KIAA0586: variants seen among roughly 807,000 people sequenced by gnomAD.
The protein encoded by KIAA0586 is protein TALPID3.
A neutral mutation model predicts 169.8 loss-of-function variants in KIAA0586; 144 were observed. The observed-to-expected ratio is 0.85, with a 90% CI of 0.74 to 0.97. The LOEUF (loss-of-function observed/expected upper bound fraction) is 0.97. KIAA0586 is among the 50% of genes least tolerant of loss of function. The pLI is 0.00. For synonymous variants in KIAA0586, 625 were observed against 612.4 expected (o/e 1.02, Z -0.30); for missense variants, 1,854 against 1,823.0 (o/e 1.02, Z -0.31).
intron 6 of KIAA0586, among the ~76,000 whole-genome samples, chr14:58,444,782 C>A (rs1478444162): frequency 2.0e-5 from 3 of 151,816 alleles, no homozygotes; most frequent in Non-Finnish European, 4.4e-5. Context: ...AGTTTTCAGT[C>A]TGGGAATGTG....
At chr14:58,452,874 T>G (rs1425665803) in intron 8 of KIAA0586, among the ~76,000 whole-genome samples, 1 of 151,580 alleles carries the variant, frequency 6.6e-6, no homozygotes, top group Admixed American at 6.6e-5. Flanking sequence ...TTTTATTTGA[T>G]GAGTGTATTT....
chr14:58,479,614 A>G (rs1401871796), intron 20 of KIAA0586, among the ~76,000 whole-genome samples: 1 of 152,064 alleles, frequency 6.6e-6, no homozygotes, highest in Non-Finnish European at 1.5e-5. Flanking sequence ...GATCATTAAG[A>G]TAGTTTCCTA....
intron 18 of KIAA0586, among the ~76,000 whole-genome samples, chr14:58,473,496 A>G (rs2041379383): frequency 6.6e-6 from 1 of 152,204 alleles, no homozygotes; most frequent in South Asian, 2.1e-4. Flanking sequence ...AAGATGACTG[A>G]CCTTATTGCA....
chr14:58,511,934 G>A (rs2141472638), intron 28 of KIAA0586, among the ~76,000 whole-genome samples: 1 of 152,282 alleles, frequency 6.6e-6, no homozygotes, highest in African/African-American at 2.4e-5. Context: ...TTTGTGATGT[G>A]TGATTACGAA....
chr14:58,491,232 A>G (rs569804079), intron 25 of KIAA0586, among the ~76,000 whole-genome samples: 1 of 152,200 alleles, frequency 6.6e-6, no homozygotes, highest in South Asian at 2.1e-4. Flanking sequence ...AACCAAGACT[A>G]AATTATAACT....
At position 58,428,156 on chromosome 14, in the gene KIAA0586, A is replaced by G. The variant is rs2037002378; in HGVS notation, c.-109A>G. On this transcript the variant is annotated 5_prime_UTR_variant, in exon 1 of 31. Transcript: ENST00000652326. ...ATTTTCAGCTTTGTGGATGTTCGAC[A>G]TTTTAAAAACAGTTATTGCAAAGAG... 6.7e-7 allele frequency: 1 copy of G among 1,484,004 alleles called. No individual in the cohort carries two copies. Among genetic ancestry groups the G allele is most frequent in the African/African-American group, 1.4e-5 (1 of 70,230 alleles). 91.9% of individuals were successfully genotyped at this position (1,484,004 alleles called of 1,614,324 possible).
At chr14:58,499,019 G>A in intron 27 of KIAA0586, 59 bp downstream of exon 27, 1 of 1,403,978 alleles carries the variant, frequency 7.1e-7, no homozygotes, top group Non-Finnish European at 9.5e-7. Context: ...TCTGAGTTGA[G>A]GAAAGTATAC....
chr14:58,450,781 A>G (rs771880455), intron 8 of KIAA0586, 35 bp downstream of exon 8: 1 of 1,391,792 alleles, frequency 7.2e-7, no homozygotes, highest in Non-Finnish European at 1.0e-6. Flanking sequence ...ATCCCAAATT[A>G]GGAAATTGTC....
intron 7 of KIAA0586, among the ~76,000 whole-genome samples, chr14:58,449,886 A>T (rs2039215611): frequency 6.6e-6 from 1 of 152,230 alleles, no homozygotes; most frequent in Non-Finnish European, 1.5e-5. Flanking sequence ...AAAGAAAATA[A>T]AGAGTAAAAA....
rs1338718674 is a variant in KIAA0586 at position 58,472,274 on chromosome 14, A to C, written c.2629A>C (p.Ile877Leu). The C allele has an allele frequency of 1.1e-5, 17 of 1,538,278 alleles. No homozygotes were observed. Among genetic ancestry groups the C allele is most frequent in the Non-Finnish European group, 1.4e-5 (16 of 1,137,266 alleles). Residue 877 changes from isoleucine to leucine, a missense_variant, in exon 18 of 31, where the codon ATA becomes CTA. Physicochemically the swap from Ile to Leu is conservative, Grantham distance 5. Coordinates refer to ENST00000652326, the MANE Select transcript of KIAA0586 (RefSeq NM_001329943.3). ...TAACTTTGATGAAATAATCGATGTC[A>C]TACAGGTAACAAAGCTTAGAAACCA... is the stretch of plus-strand genomic sequence containing the variant. ...GTNFDEIIDV[I>L]QEEEKCDEIP... is the part of the protein sequence containing the mutation.
At chr14:58,507,881 T>C in intron 27 of KIAA0586, among the ~76,000 whole-genome samples, 1 of 151,844 alleles carries the variant, frequency 6.6e-6, no homozygotes, top group Non-Finnish European at 1.5e-5. Context: ...GCCTCCTGGG[T>C]TCAAGCGATT....
intron 29 of KIAA0586, among the ~76,000 whole-genome samples, chr14:58,538,374 T>C (rs1365570211): frequency 2.0e-5 from 3 of 152,218 alleles, no homozygotes; most frequent in African/African-American, 4.8e-5. Context: ...ATAAACTTGC[T>C]CATTTAAATA....
Position 58,488,516 on chromosome 14 carries a change from A to T in KIAA0586, c.3528-105A>T, listed in dbSNP as rs375276647. 38 of 1,327,030 alleles carry T rather than the reference A, an allele frequency of 2.9e-5. 1 individual carries two copies. The African/African-American group carries it at 4.8e-4, about 17-fold the overall frequency. 82.2% of individuals were successfully genotyped at this position (1,327,030 alleles called of 1,614,324 possible). On this transcript the variant is annotated intron_variant, in intron 23 of 30. Coordinates refer to ENST00000652326, the MANE Select transcript of KIAA0586 (RefSeq NM_001329943.3). Reference sequence around the variant, plus strand: ...ATTATAGTAGTGCAGATTTAAAAAAATATTTTGCTAAAGGAGACATAGTCT... The same window carrying T: ...ATTATAGTAGTGCAGATTTAAAAAATTATTTTGCTAAAGGAGACATAGTCT...
chr14:58,497,782 A>G (rs1041527428), intron 26 of KIAA0586, among the ~76,000 whole-genome samples: 1 of 152,074 alleles, frequency 6.6e-6, no homozygotes, highest in African/African-American at 2.4e-5. Flanking sequence ...GGCAATTTTT[A>G]TTCATGAAGA....
At chr14:58,492,085 GAAA>G (rs2042869762) in intron 25 of KIAA0586, 56 bp from the exon 26 acceptor site, 1 of 1,334,192 alleles carries the variant, frequency 7.5e-7, no homozygotes, top group African/African-American at 1.5e-5. Context: ...CTTAAATTGA[GAAA>G]AATGCAATTG....
chr14:58,450,583 T>C lies in KIAA0586; in HGVS notation c.966T>C (p.Pro322=). 1 of 1,598,022 alleles carries C rather than the reference T, an allele frequency of 6.3e-7. No homozygotes were observed. The highest frequency in any genetic ancestry group is 8.5e-7 in the Non-Finnish European group (1 of 1,174,106). ...LYNTFASKQA[P]LKEVEDTSFD... is the part of the protein sequence containing the mutation. ...TTAAAAAATTTTCTGTTAAAGCACC[T>C]TTAAAAGAAGTTGAAGATACGAGTT... The change falls in exon 8 of 31, where the codon CCT becomes CCC. Residue 322 remains proline, a synonymous_variant. Coordinates refer to ENST00000652326, the MANE Select transcript of KIAA0586 (RefSeq NM_001329943.3).
chr14:58,462,031 T>TA (rs747760246), intron 14 of KIAA0586, among the ~76,000 whole-genome samples: 3 of 152,222 alleles, frequency 2.0e-5, no homozygotes, highest in Non-Finnish European at 4.4e-5. Context: ...AACTAGTAGA[T>TA]ACAAACCCAT....
chr14:58,487,277 AG>A, intron 22 of KIAA0586, 111 bp downstream of exon 22: 1 of 932,784 alleles, frequency 1.1e-6, no homozygotes, highest in Non-Finnish European at 1.6e-6. Context: ...TTTTCTCACA[AG>A]GAAATTTAGG....
chr14:58,497,358 G>T (rs2043223602), intron 26 of KIAA0586, among the ~76,000 whole-genome samples: 1 of 150,168 alleles, frequency 6.7e-6, no homozygotes, highest in Non-Finnish European at 1.5e-5. Flanking sequence ...TCTATAATCT[G>T]TATACTTTTT....
Sources: allele counts gnomAD v4.1 joint callset (sites outside exome capture counted in the v4.1 genomes callset), GRCh38; gene constraint gnomAD v4.1.1; transcripts MANE v1.5; gene names NCBI Gene and HGNC (gene_info 2026-07-23, HGNC 2026-07-21).